Variants in ACAA2 observed in about 807,000 individuals in gnomAD.
ACAA2 encodes the protein 3-ketoacyl-CoA thiolase, mitochondrial.
Under a neutral mutation model 44.8 loss-of-function variants are expected in ACAA2, and 35 were observed. The ratio of observed to expected loss-of-function variants is 0.78; its 90% CI spans 0.60 to 1.04. The LOEUF (loss-of-function observed/expected upper bound fraction) is 1.04, where lower values mean the gene tolerates loss of function less well. Ranked by LOEUF, ACAA2 falls within the 50% of genes least tolerant of loss-of-function variation. The pLI, the probability that ACAA2 is intolerant of heterozygous loss-of-function variation, is 0.00. For missense variants in ACAA2, 468 were observed against 482.6 expected (o/e 0.97, Z 0.28); for synonymous variants, 142 against 166.5 (o/e 0.85, Z 1.13).
In ACAA2 at chr18:49,798,488, A is replaced by C. The variant is rs187087869; in HGVS notation, c.184-894T>G. ...AAAAAGAATGACTTAAAAAAAAAAAACCAACAACAACCAAAAACATTAACA... is the reference window on the plus strand; with the variant it reads ...AAAAAGAATGACTTAAAAAAAAAAACCCAACAACAACCAAAAACATTAACA... On this transcript the variant is annotated intron_variant, in intron 2 of 9. Transcript: ENST00000285093. Among the ~76,000 whole-genome samples the C allele has an allele frequency of 9.4e-3, 1,429 of 151,910 alleles. 36 individuals carry two copies. In the South Asian group the frequency reaches 0.12, roughly 12 times the overall value.
Position 49,783,738 on chromosome 18 carries a change from T to G in ACAA2, c.*109A>C. ...TGGCTTGATCAAACTTAATCACTGTTTCAATGGCAGGGCATGGCCAGTTGT... is the reference window on the plus strand; with the variant it reads ...TGGCTTGATCAAACTTAATCACTGTGTCAATGGCAGGGCATGGCCAGTTGT... On this transcript the variant is annotated 3_prime_UTR_variant, in exon 10 of 10. Transcript: ENST00000285093. 7 of 837,626 alleles carry G rather than the reference T, an allele frequency of 8.4e-6. No individual in the cohort carries two copies. Among genetic ancestry groups the G allele is most frequent in the South Asian group, 7.6e-5 (5 of 66,072 alleles). 51.9% of individuals were successfully genotyped at this position (837,626 alleles called of 1,614,324 possible). A position where few individuals can be genotyped will look rare whatever the true frequency, so the allele number is the denominator to read the frequency against.
At chr18:49,808,562 C>G (rs533813674) in intron 1 of ACAA2, among the ~76,000 whole-genome samples, 1 of 152,096 alleles carries the variant, frequency 6.6e-6, no homozygotes, top group South Asian at 2.1e-4. Flanking sequence ...GCTGGGCCGC[C>G]GGGGGTGACA....
At chr18:49,799,302 T>G (rs579729) in intron 2 of ACAA2, among the ~76,000 whole-genome samples, 1 of 151,126 alleles carries the variant, frequency 6.6e-6, no homozygotes, top group African/African-American at 2.4e-5. Context: ...CTCGGCTCAC[T>G]GCAACCTCCC....
In ACAA2 at chr18:49,794,395, A is replaced by C; in HGVS notation, c.462T>G (p.Asp154Glu). ...LEDSLWVSLTDQHVQLPMAMT... is the reference protein window; with the variant it reads ...LEDSLWVSLTEQHVQLPMAMT... ...TTGCCATGGGGAGCTGGACATGCTG[A>C]TCTGTTAATGATACCCATAAAGAAT... The change falls in exon 5 of 10, where the codon GAT (aspartate) becomes GAG (glutamate). Residue 154 changes from aspartate (D) to glutamate (E), a missense_variant. Coordinates refer to ENST00000285093, the MANE Select transcript of ACAA2 (RefSeq NM_006111.3). 6.2e-7 allele frequency: 1 copy of C among 1,607,426 alleles called. No individual in the cohort carries two copies. The highest frequency in any genetic ancestry group is 2.2e-5 in the East Asian group (1 of 44,480).
intron 6 of ACAA2, 82 bp downstream of exon 6, chr18:49,792,070 A>G: frequency 8.6e-7 from 1 of 1,158,070 alleles, no homozygotes; most frequent in East Asian, 2.4e-5. Flanking sequence ...ACTGGCATAA[A>G]AAGTATTTAC....
intron 4 of ACAA2, among the ~76,000 whole-genome samples, chr18:49,795,194 C>T (rs535345775): frequency 6.6e-6 from 1 of 152,230 alleles, no homozygotes; most frequent in African/African-American, 2.4e-5. Flanking sequence ...TGTCAGTAGC[C>T]CTTTCACATG....
chr18:49,801,245 A>T (rs930828956), intron 2 of ACAA2, among the ~76,000 whole-genome samples: 4 of 152,236 alleles, frequency 2.6e-5, no homozygotes, highest in Non-Finnish European at 5.9e-5. Flanking sequence ...AGCACTTAAC[A>T]TCCTTACAAG....
intron 8 of ACAA2, chr18:49,786,677 G>C (rs183809074): frequency 6.6e-6 from 1 of 152,248 alleles, no homozygotes; most frequent in Admixed American, 6.5e-5. Context: ...TATTCCAAAA[G>C]TGTGGAATGT....
chr18:49,797,491 AAACCAGAACC>A lies in ACAA2; in HGVS notation c.277_286del (p.Gly93PhefsTer5). 6.2e-7 allele frequency: 1 copy of A among 1,611,198 alleles called. No individual in the cohort carries two copies. The highest frequency in any genetic ancestry group is 8.5e-7 in the Non-Finnish European group (1 of 1,179,552). ...CTGACATCCATTCACAATGGACTGA[AAACCAGAACC>A]ACAGAGCCTATTAATCGTGAGAGCT... On this transcript the variant is annotated frameshift_variant, in exon 3 of 10. Coordinates refer to ENST00000285093, the MANE Select transcript of ACAA2 (RefSeq NM_006111.3). LOFTEE classifies it high-confidence loss of function.
chr18:49,795,949 T>C lies in ACAA2; in HGVS notation c.313-68A>G, dbSNP rs993350692. 3.3e-5 allele frequency: 31 copies of C among 950,658 alleles called. No individual in the cohort carries two copies. The African/African-American group carries it at 4.8e-4, about 15-fold the overall frequency. 58.9% of individuals were successfully genotyped at this position (950,658 alleles called of 1,614,324 possible). A position where few individuals can be genotyped will look rare whatever the true frequency, so the allele number is the denominator to read the frequency against. ...CCAAACAATGTATTAAGAAACACACTGATTTTACAAATTAATGGTAAATCA... is the reference window on the plus strand; with the variant it reads ...CCAAACAATGTATTAAGAAACACACCGATTTTACAAATTAATGGTAAATCA... On this transcript the variant is annotated intron_variant, in intron 3 of 9. Coordinates refer to ENST00000285093, the MANE Select transcript of ACAA2 (RefSeq NM_006111.3).
chr18:49,793,007 C>CTGTT (rs2023423855), intron 5 of ACAA2, among the ~76,000 whole-genome samples: 1 of 152,036 alleles, frequency 6.6e-6, no homozygotes, highest in Non-Finnish European at 1.5e-5. Flanking sequence ...ACTGCTAAGA[C>CTGTT]TGTTAGCAGC....
rs78298796 is a variant in ACAA2 at position 49,793,504 on chromosome 18, C to T, written c.577+776G>A. Among the ~76,000 whole-genome samples, 906 of 152,250 alleles carry T rather than the reference C, an allele frequency of 6.0e-3. 10 individuals carry two copies. The highest frequency in any genetic ancestry group is 0.02 in the African/African-American group (842 of 41,542). On this transcript the variant is annotated intron_variant, in intron 5 of 9. Transcript: ENST00000285093. ...ATAACTCTTGACTTCTAGACCAATCCTCTTCCACTATGAACATATAAGTAA... is the reference window on the plus strand; with the variant it reads ...ATAACTCTTGACTTCTAGACCAATCTTCTTCCACTATGAACATATAAGTAA...
chr18:49,798,217 A>G lies in ACAA2; in HGVS notation c.184-623T>C, dbSNP rs1258769417. 2.0e-5 allele frequency among the ~76,000 whole-genome samples: 3 copies of G among 152,212 alleles called. No homozygotes were observed. The East Asian group carries it at 5.8e-4, about 29-fold the overall frequency. On this transcript the variant is annotated intron_variant, in intron 2 of 9. Transcript: ENST00000285093. ...GTAGTCACTTTTAAAAAGCATCCCA[A>G]GTAATTCTAATGTAAAACAGGCTGA... is the stretch of plus-strand genomic sequence containing the variant.
chr18:49,797,433 T>G, intron 3 of ACAA2, 33 bp downstream of exon 3: 1 of 1,584,576 alleles, frequency 6.3e-7, no homozygotes, highest in South Asian at 1.1e-5. Flanking sequence ...TATTAACATA[T>G]TTTCAGAGAA....
chr18:49,797,285 T>C (rs1273474872), intron 3 of ACAA2, among the ~76,000 whole-genome samples, 181 bp downstream of exon 3: 1 of 151,964 alleles, frequency 6.6e-6, no homozygotes, highest in Non-Finnish European at 1.5e-5. Context: ...TTTTTCTTTT[T>C]TTTGGAGCCA....
chr18:49,793,118 T>A (rs1315618557), intron 5 of ACAA2, among the ~76,000 whole-genome samples: 12 of 152,196 alleles, frequency 7.9e-5, no homozygotes, highest in African/African-American at 2.9e-4. Context: ...CCAAGTTGTC[T>A]ATGCCACAAA....
chr18:49,800,162 TCTGGGAGGGAGGTGGGGGGTCAGCCCCCC>T (rs2023524570), intron 2 of ACAA2, among the ~76,000 whole-genome samples: 1 of 29,600 alleles, frequency 3.4e-5, no homozygotes, highest in East Asian at 8.8e-4. Context: ...AGCCACCCCG[TCTGGGAGGGAGGTGGGGGGTCAGCCCCCC>T]GCCCGGCCAG....
At chr18:49,805,648 ACCTCT>A in intron 1 of ACAA2, among the ~76,000 whole-genome samples, 2 of 151,216 alleles carry the variant, frequency 1.3e-5, no homozygotes, top group Admixed American at 6.6e-5. Context: ...TGCAGCCTCG[ACCTCT>A]GCAGCCTCGA....
In ACAA2 at chr18:49,786,064, G is replaced by T. The variant is rs370326048; in HGVS notation, c.955-713C>A. 2.0e-5 allele frequency: 3 copies of T among 152,190 alleles called. No individual in the cohort carries two copies. In the East Asian group the frequency reaches 5.8e-4, roughly 29 times the overall value. The allele number at this position is 152,190 out of a possible 1,614,324, so 9.4% of individuals were successfully genotyped here. A position where few individuals can be genotyped will look rare whatever the true frequency, so the allele number is the denominator to read the frequency against. The stretch of plus-strand genomic sequence containing the variant: ...TGTATTATCATATGATCTTAATTCA[G>T]GAATTTTATAGATAAGGAAACTCAT... On this transcript the variant is annotated intron_variant, in intron 8 of 9. Transcript: ENST00000285093.
Sources: allele counts gnomAD v4.1 joint callset (sites outside exome capture counted in the v4.1 genomes callset), GRCh38; gene constraint gnomAD v4.1.1; transcripts MANE v1.5; gene names NCBI Gene and HGNC (gene_info 2026-07-23, HGNC 2026-07-21).